NDUFAF6: variants seen among roughly 807,000 people sequenced by gnomAD.
NDUFAF6 encodes NADH dehydrogenase (ubiquinone) complex I, assembly factor 6.
Under a neutral mutation model 40.8 loss-of-function variants are expected in NDUFAF6, and 45 were observed. The ratio of observed to expected loss-of-function variants is 1.10; its 90% CI spans 0.87 to 1.42. NDUFAF6 has a LOEUF of 1.42. Ranked by LOEUF, NDUFAF6 falls within the 40% of genes most tolerant of loss-of-function variation. The probability of loss-of-function intolerance (pLI) is 0.00; values close to 1 mark genes in which losing one functional copy is unlikely to be tolerated. For synonymous variants in NDUFAF6, 185 were observed against 155.9 expected (o/e 1.19, Z -1.39); for missense variants, 435 against 418.5 (o/e 1.04, Z -0.34).
Position 95,058,150 on chromosome 8 carries a change from C to G in NDUFAF6, c.*213C>G. 6.9e-7 allele frequency: 1 copy of G among 1,442,412 alleles called. No individual in the cohort carries two copies. The highest frequency in any genetic ancestry group is 1.5e-5 in the South Asian group (1 of 65,266). The allele number at this position is 1,442,412 out of a possible 1,614,324, so 89.4% of individuals were successfully genotyped here. ...GGCACTGCCATTGGCACCCCTGGCC[C>G]AGACAGTGTCTGCTGTGCTGTCCCT... On this transcript the variant is annotated 3_prime_UTR_variant, in exon 9 of 9. Coordinates refer to ENST00000396124, the MANE Select transcript of NDUFAF6 (RefSeq NM_152416.4).
rs879606991 is a variant in NDUFAF6, at chr8:95,087,376, G to T, written n.213+11624G>T. Among the ~76,000 whole-genome samples, 3 of 151,946 alleles carry T rather than the reference G, an allele frequency of 2.0e-5. 1 individual carries two copies. Among genetic ancestry groups the T allele is most frequent in the Non-Finnish European group, 1.5e-5 (1 of 67,998 alleles). On this transcript the variant is annotated intron_variant and non_coding_transcript_variant, in intron 2 of 5. Coordinates refer to the NDUFAF6 transcript ENST00000523184. ...ACTTTTTCCTTTCTTGGAGTAAGAGGCTCTGTTTCGTCATGACTGAAGTTC... is the reference window on the plus strand; with the variant it reads ...ACTTTTTCCTTTCTTGGAGTAAGAGTCTCTGTTTCGTCATGACTGAAGTTC...
intron 2 of NDUFAF6, chr8:94,989,271 C>T (rs2131612876): frequency 6.6e-6 from 1 of 152,238 alleles, no homozygotes; most frequent in Middle Eastern, 3.4e-3. Context: ...TAAAACTATA[C>T]AATGAAAATT....
chr8:95,027,941 T>G (rs187483097), intron 1 of NDUFAF6, among the ~76,000 whole-genome samples: 117 of 152,316 alleles, frequency 7.7e-4, no homozygotes, highest in Non-Finnish European at 5.6e-4. Flanking sequence ...AAACCTAATT[T>G]ACATAGGCTT....
intron 2 of NDUFAF6, among the ~76,000 whole-genome samples, chr8:95,084,066 G>C (rs1280758699): frequency 1.3e-5 from 2 of 152,098 alleles, no homozygotes; most frequent in African/African-American, 2.4e-5. Context: ...GTGTAAGTTT[G>C]ATAAATCAAT....
chr8:94,919,371 A>G (rs1213454172), intron 1 of NDUFAF6, among the ~76,000 whole-genome samples: 1 of 151,966 alleles, frequency 6.6e-6, no homozygotes, highest in Non-Finnish European at 1.5e-5. Context: ...TATTGAATGT[A>G]CCCCATAATT....
downstream of NDUFAF6, among the ~76,000 whole-genome samples, chr8:95,079,558 T>G (rs1438476701): frequency 6.6e-6 from 1 of 152,082 alleles, no homozygotes; most frequent in Non-Finnish European, 1.5e-5. Flanking sequence ...AGATGAAAGT[T>G]TGAAAACCAT....
intron 9 of NDUFAF6, chr8:95,069,200 A>C (rs1248936175): frequency 6.6e-6 from 1 of 152,002 alleles, no homozygotes; most frequent in African/African-American, 2.4e-5. Context: ...TCCATGAACA[A>C]GGTAAACAAG....
chr8:95,084,206 T>C (rs1808967031), intron 2 of NDUFAF6, among the ~76,000 whole-genome samples: 1 of 151,322 alleles, frequency 6.6e-6, no homozygotes, highest in South Asian at 2.1e-4. Context: ...ATTCCTAGGA[T>C]TTTTTTTCTA....
intron 1 of NDUFAF6, among the ~76,000 whole-genome samples, chr8:94,966,544 T>G (rs1824027764): frequency 6.6e-6 from 1 of 152,150 alleles, no homozygotes; most frequent in Non-Finnish European, 1.5e-5. Context: ...CAGTGAGCTG[T>G]GACTGCACCA....
chr8:95,083,577 C>T lies in NDUFAF6; in HGVS notation n.213+7825C>T, dbSNP rs73262437. ...CCCTTTCTCAGATAATGACTTTAAA[C>T]GGATAAAATAAGCAGGATTAAAAAG... On this transcript the variant is annotated intron_variant and non_coding_transcript_variant, in intron 2 of 5. Coordinates refer to the NDUFAF6 transcript ENST00000523184. Among the ~76,000 whole-genome samples, 912 of 152,102 alleles carry T rather than the reference C, an allele frequency of 6.0e-3. 11 individuals are homozygous for T. Among genetic ancestry groups the T allele is most frequent in the African/African-American group, 0.021 (852 of 41,476 alleles).
chr8:94,993,593 G>A lies in NDUFAF6; in HGVS notation c.-84+12620G>A, dbSNP rs61658049. Among the ~76,000 whole-genome samples, 1,410 of 152,252 alleles carry A rather than the reference G, an allele frequency of 9.3e-3. 24 individuals carry two copies. The highest frequency in any genetic ancestry group is 0.032 in the African/African-American group (1,334 of 41,548). ...GCTATAACCTCCTGGAGGATAAGTG[G>A]GCATGGAGGAGGAGAGCTAATGCAT... On this transcript the variant is annotated intron_variant, in intron 2 of 9. Transcript: ENST00000396111.
chr8:94,993,194 A>T (rs1170116285), intron 2 of NDUFAF6, among the ~76,000 whole-genome samples: 2 of 152,070 alleles, frequency 1.3e-5, no homozygotes, highest in African/African-American at 4.8e-5. Context: ...TCCTCTTCTT[A>T]TAAGGATACC....
At chr8:95,086,857 C>A (rs1172018544) in intron 2 of NDUFAF6, among the ~76,000 whole-genome samples, 1 of 152,050 alleles carries the variant, frequency 6.6e-6, no homozygotes, top group Admixed American at 6.6e-5. Context: ...CCCGCCTCCG[C>A]CCCCCAAAGT....
At chr8:95,092,471 C>T (rs1405662502) in intron 2 of NDUFAF6, among the ~76,000 whole-genome samples, 1 of 152,142 alleles carries the variant, frequency 6.6e-6, no homozygotes, top group African/African-American at 2.4e-5. Context: ...TGTGAGCCAC[C>T]TCACCTGGCC....
At chr8:94,948,989 G>A (rs1243829106) in intron 2 of NDUFAF6, among the ~76,000 whole-genome samples, 6 of 149,990 alleles carry the variant, frequency 4.0e-5, no homozygotes, top group Non-Finnish European at 7.4e-5. Context: ...GGGCCCGGCG[G>A]CGGCGAGGGG....
chr8:94,900,298 G>A (rs1817931596), intron 1 of NDUFAF6, among the ~76,000 whole-genome samples: 1 of 151,922 alleles, frequency 6.6e-6, no homozygotes, highest in Admixed American at 6.6e-5. Flanking sequence ...CCTAACTCCA[G>A]GGAACAGTCC....
In NDUFAF6 at chr8:94,934,105, A is replaced by G. The variant is rs528041888; in HGVS notation, c.-935-11378A>G. Among the ~76,000 whole-genome samples, 7 of 151,148 alleles carry G rather than the reference A, an allele frequency of 4.6e-5. No individual in the cohort carries two copies. The South Asian group carries it at 6.4e-4, about 14-fold the overall frequency. ...AAAAAAAAAAAGAAGTATATATGGC[A>G]TGTTGCCATTTAGGTTAAAAGTTTA... On this transcript the variant is annotated intron_variant, in intron 1 of 14. Coordinates refer to the NDUFAF6 transcript ENST00000396113.
chr8:94,969,077 T>C lies in NDUFAF6; in HGVS notation c.-199+10898T>C, dbSNP rs369583105. On this transcript the variant is annotated intron_variant, in intron 1 of 9. Transcript: ENST00000396111. Reference sequence around the variant, plus strand: ...GAAGATGTTGCAGAAGAAGTTGGAGTCTGGAGTTCCGATGAGAGGTGGAGG... The same window carrying C: ...GAAGATGTTGCAGAAGAAGTTGGAGCCTGGAGTTCCGATGAGAGGTGGAGG... 3.3e-5 allele frequency among the ~76,000 whole-genome samples: 5 copies of C among 151,918 alleles called. No homozygotes were observed. In the East Asian group the frequency reaches 7.7e-4, roughly 23 times the overall value.
intron 2 of NDUFAF6, among the ~76,000 whole-genome samples, chr8:95,011,524 G>A (rs1827226671): frequency 2.0e-5 from 3 of 152,146 alleles, no homozygotes; most frequent in Admixed American, 6.5e-5. Flanking sequence ...TAAGAACGGA[G>A]AGTGACATTT....
Sources: gnomAD v4.1 joint callset for allele counts (sites outside exome capture counted in the v4.1 genomes callset) on GRCh38, gnomAD v4.1.1 for gene constraint, MANE v1.5 for transcripts, NCBI Gene and HGNC (gene_info 2026-07-23, HGNC 2026-07-21) for gene names.